Variants in ATP4A observed in about 807,000 individuals in gnomAD.
ATP4A encodes the protein potassium-transporting ATPase alpha chain 1.
In ATP4A, 73 loss-of-function variants were observed where a neutral mutation model predicts 112.1. The observed-to-expected ratio is 0.65, with a 90% confidence interval of 0.54 to 0.79. ATP4A has a LOEUF of 0.79. Among genes scored for constraint, ATP4A ranks in the 30% least tolerant of loss-of-function variants. ATP4A has a pLI of 0.00. For missense variants in ATP4A, 1,081 were observed against 1,425.9 expected (o/e 0.76, Z 3.90); for synonymous variants, 588 against 588.9 (o/e 1.00, Z 0.02).
chr19:35,553,621 C>A (rs2071614123), intron 17 of ATP4A, 85 bp downstream of exon 17: 3 of 1,549,206 alleles, frequency 1.9e-6, no homozygotes, highest in Non-Finnish European at 2.6e-6. Flanking sequence ...CAGAACCAGC[C>A]GGAGCCCAAG....
rs2071599849 is a variant in ATP4A, at chr19:35,551,206, G to A, written c.2886-95C>T. 7.6e-7 allele frequency: 1 copy of A among 1,312,070 alleles called. No individual in the cohort carries two copies. 81.3% of individuals were successfully genotyped at this position (1,312,070 alleles called of 1,614,324 possible). On this transcript the variant is annotated intron_variant, in intron 19 of 21. Coordinates refer to ENST00000262623, the MANE Select transcript of ATP4A (RefSeq NM_000704.3). The surrounding 1 kb of genome is among the most constrained non-coding windows in gnomAD (Gnocchi z 5.2). ...CAAAGTAGGTCAGATGTCAGCAGCA[G>A]CAGGGAGGTGTTCTACACACTGAAC... is the stretch of plus-strand genomic sequence containing the variant.
chr19:35,555,057 G>A lies in ATP4A; in HGVS notation c.2346C>T (p.Asn782=), dbSNP rs1226080532. The A allele has an allele frequency of 6.2e-7, 1 of 1,613,730 alleles. No individual in the cohort carries two copies. ...GVEQGRLIFD[N]LKKSIAYTLT... The stretch of plus-strand genomic sequence containing the variant: ...ATGTGTAGGCAATAGACTTCTTCAG[G>A]TTGTCGAAGATCAGTCGACCTGTGG... The change falls in exon 16 of 22, where the codon AAC becomes AAT. Residue 782 remains asparagine (N), a synonymous_variant. Transcript: ENST00000262623. This position sits in a 1 kb window ranked among gnomAD's most constrained non-coding sequence, Gnocchi z 6.6.
intron 16 of ATP4A, among the ~76,000 whole-genome samples, chr19:35,554,199 G>T (rs373650237): frequency 1.7e-4 from 25 of 150,888 alleles, no homozygotes; most frequent in African/African-American, 5.9e-4. Flanking sequence ...TCTCAGTGTC[G>T]CCGTGCCCCT....
rs1415599672 is a variant in ATP4A, at chr19:35,555,816, T to C, written c.1870-4A>G. On this transcript the variant is annotated splice_polypyrimidine_tract_variant and splice_region_variant and intron_variant, in intron 12 of 21. Coordinates refer to ENST00000262623, the MANE Select transcript of ATP4A (RefSeq NM_000704.3). The surrounding 1 kb of genome is among the most constrained non-coding windows in gnomAD (Gnocchi z 6.6). Reference sequence around the variant, plus strand: ...GGTCACCCGTTACCATGATCACCTGTAGGGGGAACCAGTGGATCACTGACC... The same window carrying C: ...GGTCACCCGTTACCATGATCACCTGCAGGGGGAACCAGTGGATCACTGACC... 2 of 1,603,696 alleles carry C rather than the reference T, an allele frequency of 1.2e-6. No homozygotes were observed. Among genetic ancestry groups the C allele is most frequent in the East Asian group, 4.5e-5 (2 of 44,598 alleles).
In ATP4A at chr19:35,558,736, C is replaced by A; in HGVS notation, c.1256-50G>T. 6.6e-7 allele frequency: 1 copy of A among 1,515,584 alleles called. No homozygotes were observed. Among genetic ancestry groups the A allele is most frequent in the Non-Finnish European group, 8.9e-7 (1 of 1,128,612 alleles). The allele number at this position is 1,515,584 out of a possible 1,614,324, so 93.9% of individuals were successfully genotyped here. On this transcript the variant is annotated intron_variant, in intron 8 of 21. Coordinates refer to ENST00000262623, the MANE Select transcript of ATP4A (RefSeq NM_000704.3). The surrounding 1 kb of genome is among the most constrained non-coding windows in gnomAD (Gnocchi z 5.1). ...GTCCCGCACGGCGGCTCTCCCGGAC[C>A]AGAACCGAGCCCCCTCCTCCTAGGC...
chr19:35,560,277 G>A lies in ATP4A; in HGVS notation c.787+86C>T, dbSNP rs995673599. 13 of 1,574,332 alleles carry A rather than the reference G, an allele frequency of 8.3e-6. 1 individual carries two copies. The African/African-American group carries it at 1.6e-4, about 20-fold the overall frequency. On this transcript the variant is annotated intron_variant, in intron 6 of 21. Transcript: ENST00000262623. The surrounding 1 kb of genome is among the most constrained non-coding windows in gnomAD (Gnocchi z 5.1). The stretch of plus-strand genomic sequence containing the variant: ...AGTCATGCAGGAGAGAGACAGGGAG[G>A]CTGAAGCCCCCTGTCCTAGAAGATA...
rs773568287 is a variant in ATP4A at position 35,556,954 on chromosome 19, C to T, written c.1828G>A (p.Val610Ile). 44 of 1,614,040 alleles carry T rather than the reference C, an allele frequency of 2.7e-5. No individual in the cohort carries two copies. The highest frequency in any genetic ancestry group is 1.2e-4 in the Admixed American group (7 of 60,000). Residue 610 changes from valine to isoleucine, a missense_variant, in exon 12 of 22, where the codon GTC (valine) becomes ATC (isoleucine). By Grantham distance (29) the Val-to-Ile change is conservative (BLOSUM62 3). Coordinates refer to ENST00000262623, the MANE Select transcript of ATP4A (RefSeq NM_000704.3). ...VSMIDPPRAT[V>I]PDAVLKCRTA... is the part of the protein sequence containing the mutation. ...CGACACTTGAGCACAGCATCAGGGA[C>T]GGTGGCCCGGGGTGGGTCAATCATG...
chr19:35,558,787 C>T lies in ATP4A; in HGVS notation c.1256-101G>A, dbSNP rs1419104417. 1 of 1,361,026 alleles carries T rather than the reference C, an allele frequency of 7.3e-7. No homozygotes were observed. 84.3% of individuals were successfully genotyped at this position (1,361,026 alleles called of 1,614,324 possible). ...TCATATCGCGGGCCCCCTCCCCAGA[C>T]CTGGGTGGAATTGGGTTCCACCCAA... On this transcript the variant is annotated intron_variant, in intron 8 of 21. Transcript: ENST00000262623. The surrounding 1 kb of genome is among the most constrained non-coding windows in gnomAD (Gnocchi z 5.1).
rs1309104921 is a variant in ATP4A, at chr19:35,560,638, T to C, written c.535-23A>G. 21 of 1,600,328 alleles carry C rather than the reference T, an allele frequency of 1.3e-5. No individual in the cohort carries two copies. The highest frequency in any genetic ancestry group is 2.2e-5 in the East Asian group (1 of 44,538). ...TTGCTGCGGGGCAGGGGCACCAAAG[T>C]TGAGGTGGACGGGGGTGGGGGTGGG... On this transcript the variant is annotated intron_variant, in intron 5 of 21. Transcript: ENST00000262623. This position sits in a 1 kb window ranked among gnomAD's most constrained non-coding sequence, Gnocchi z 5.1.
At position 35,553,136 on chromosome 19, in the gene ATP4A, C is replaced by A; in HGVS notation, c.2652G>T (p.Met884Ile). The change falls in exon 18 of 22, where the codon ATG (methionine) becomes ATT (isoleucine). Residue 884 changes from methionine to isoleucine, a missense_variant. By Grantham distance (10) the Met-to-Ile change is conservative. Transcript: ENST00000262623. ...FAGFTDYFTA[M>I]AQEGWFPLLC... ...GCAGTGGGAACCAGCCCTCCTGGGCCATTGCCGTGAAGTAGTCAGTGAAGC... is the reference window on the plus strand; with the variant it reads ...GCAGTGGGAACCAGCCCTCCTGGGCAATTGCCGTGAAGTAGTCAGTGAAGC... 6.2e-7 allele frequency: 1 copy of A among 1,609,398 alleles called. No individual in the cohort carries two copies.
Position 35,562,415 on chromosome 19 carries a change from GT to G in ATP4A, c.420+19del, listed in dbSNP as rs1568316509. The stretch of plus-strand genomic sequence containing the variant: ...CCCCAGGTCCCCATGTCCTGAGCCT[GT>G]CCCCACAACATGGCTCACATTGTCG... On this transcript the variant is annotated intron_variant, in intron 4 of 21. Transcript: ENST00000262623. 6.2e-7 allele frequency: 1 copy of G among 1,609,496 alleles called. No homozygotes were observed. The highest frequency in any genetic ancestry group is 1.1e-5 in the South Asian group (1 of 90,210).
chr19:35,559,873 G>T lies in ATP4A; in HGVS notation c.988C>A (p.Arg330=), dbSNP rs199790968. The T allele has an allele frequency of 5.0e-6, 8 of 1,614,236 alleles. No homozygotes were observed. The highest frequency in any genetic ancestry group is 4.2e-6 in the Non-Finnish European group (5 of 1,180,042). ...VAMCIGYTFL[R]AMVFFMAIVV... is the part of the protein sequence containing the mutation. ...ATGGCCATGAAGAAGACCATGGCCCGCAGGAAGGTGTAGCCAATGCACATG... is the reference window on the plus strand; with the variant it reads ...ATGGCCATGAAGAAGACCATGGCCCTCAGGAAGGTGTAGCCAATGCACATG... Residue 330 remains arginine (R), a synonymous_variant, in exon 7 of 22, where the codon CGG becomes AGG. Transcript: ENST00000262623. This position sits in a 1 kb window ranked among gnomAD's most constrained non-coding sequence, Gnocchi z 4.1.
Position 35,551,940 on chromosome 19 carries a change from C to T in ATP4A, c.2752-360G>A, listed in dbSNP as rs1046919536. ...TTGCAAAGTCCAGTGACTCCAGGGGCCAGGCAGATGGCAAAAATAGGTGAG... is the reference window on the plus strand; with the variant it reads ...TTGCAAAGTCCAGTGACTCCAGGGGTCAGGCAGATGGCAAAAATAGGTGAG... On this transcript the variant is annotated intron_variant, in intron 18 of 21. Coordinates refer to ENST00000262623, the MANE Select transcript of ATP4A (RefSeq NM_000704.3). This position sits in a 1 kb window ranked among gnomAD's most constrained non-coding sequence, Gnocchi z 5.2. 1.3e-5 allele frequency among the ~76,000 whole-genome samples: 2 copies of T among 152,118 alleles called. No individual in the cohort carries two copies. Among genetic ancestry groups the T allele is most frequent in the Non-Finnish European group, 2.9e-5 (2 of 68,014 alleles).
chr19:35,556,869 A>G, intron 12 of ATP4A, 44 bp downstream of exon 12: 2 of 1,586,226 alleles, frequency 1.3e-6, no homozygotes, highest in Non-Finnish European at 1.7e-6. Flanking sequence ...TCCTGCTGCC[A>G]TCCTCTGTCC....
Position 35,563,626 on chromosome 19 carries a change from C to G in ATP4A, c.4G>C (p.Gly2Arg). The change falls in exon 1 of 22, where the codon GGG becomes CGG. Residue 2 changes from glycine to arginine, a missense_variant. Around this residue, in one of 3 missense-constraint regions of ATP4A, gnomAD observed 850 missense variants for 1,068.2 expected, o/e 0.80. Coordinates refer to ENST00000262623, the MANE Select transcript of ATP4A (RefSeq NM_000704.3). M[G>R]KAENYELYSV... The stretch of plus-strand genomic sequence containing the variant: ...CCCTGGGCCCCACTCACGGCCTTCC[C>G]CATGGTGCCCGGTGCCTGTGCTCCC... 6.2e-7 allele frequency: 1 copy of G among 1,614,066 alleles called. No homozygotes were observed.
rs748332451 is a variant in ATP4A at position 35,550,814 on chromosome 19, C to A, written c.3079+20G>T. 2 of 1,613,650 alleles carry A rather than the reference C, an allele frequency of 1.2e-6. No homozygotes were observed. Among genetic ancestry groups the A allele is most frequent in the South Asian group, 2.2e-5 (2 of 91,076 alleles). On this transcript the variant is annotated intron_variant, in intron 21 of 21. Transcript: ENST00000262623. The surrounding 1 kb of genome is among the most constrained non-coding windows in gnomAD (Gnocchi z 4.1). ...AACGTTTCAGTCCCCTGCCCCCAGG[C>A]TCCCAGTCTCCACACTCACTCCCTG...
In ATP4A at chr19:35,558,069, G is replaced by A; in HGVS notation, c.1501-222C>T. 3.3e-6 allele frequency: 2 copies of A among 610,512 alleles called. No individual in the cohort carries two copies. Among genetic ancestry groups the A allele is most frequent in the Non-Finnish European group, 5.7e-6 (2 of 353,220 alleles). 37.8% of individuals were successfully genotyped at this position (610,512 alleles called of 1,614,324 possible). ...GGCTAGGTGCAGATTTGGAGTCCTG[G>A]ACGCAGGGAATGAACAGAATTAGGG... On this transcript the variant is annotated intron_variant, in intron 10 of 21. Transcript: ENST00000262623. The surrounding 1 kb of genome is among the most constrained non-coding windows in gnomAD (Gnocchi z 5.1).
Position 35,560,200 on chromosome 19 carries a change from G to A in ATP4A, c.788-127C>T. On this transcript the variant is annotated intron_variant, in intron 6 of 21. Coordinates refer to ENST00000262623, the MANE Select transcript of ATP4A (RefSeq NM_000704.3). The surrounding 1 kb of genome is among the most constrained non-coding windows in gnomAD (Gnocchi z 5.1). ...GACCTGGGAGAGGGTAGTGACAGTG[G>A]GAGACAGAGAAGCAGTGTGCCCTGG... The A allele has an allele frequency of 5.2e-6, 8 of 1,525,352 alleles. 1 individual carries two copies. The Middle Eastern group carries it at 9.5e-4, about 180-fold the overall frequency. 94.5% of individuals were successfully genotyped at this position (1,525,352 alleles called of 1,614,324 possible).
Position 35,551,522 on chromosome 19 carries a change from A to T in ATP4A, c.2810T>A (p.Ile937Asn). The change falls in exon 19 of 22, where the codon ATT becomes AAT. Residue 937 changes from isoleucine (I) to asparagine (N), a missense_variant. By Grantham distance (149) the Ile-to-Asn change is moderately radical. This residue lies in a region of ATP4A where 219 missense variants were observed against 320.9 expected (regional missense o/e 0.68). Transcript: ENST00000262623. This position sits in a 1 kb window ranked among gnomAD's most constrained non-coding sequence, Gnocchi z 5.2. Reference sequence around the variant, plus strand: ...GACATCGGCGATCTGGCACACCTCAATGCTGATGAAGAACACGGTGTAGCA... The same window carrying T: ...GACATCGGCGATCTGGCACACCTCATTGCTGATGAAGAACACGGTGTAGCA... Reference protein sequence around the residue: ...YTCYTVFFISIEVCQIADVLI... With the variant: ...YTCYTVFFISNEVCQIADVLI... The T allele has an allele frequency of 1.2e-6, 2 of 1,614,090 alleles. No individual in the cohort carries two copies. The highest frequency in any genetic ancestry group is 1.7e-6 in the Non-Finnish European group (2 of 1,179,996).
Sources: gnomAD v4.1 joint callset for allele counts (sites outside exome capture counted in the v4.1 genomes callset) on GRCh38, gnomAD v4.1.1 for gene constraint, gnomAD v4.1.1 regional missense constraint, Gnocchi (gnomAD v3.1) non-coding constraint, MANE v1.5 for transcripts, NCBI Gene and HGNC (gene_info 2026-07-23, HGNC 2026-07-21) for gene names.